The following AFDN variants were observed in gnomAD, a reference collection of about 807,000 sequenced individuals.
AFDN encodes afadin, adherens junction formation factor.
AFDN carries 68 observed loss-of-function variants against 216.6 expected under a neutral mutation model. That is an observed-to-expected ratio of 0.31 (90% confidence interval 0.26 to 0.38). The LOEUF (loss-of-function observed/expected upper bound fraction) is 0.38. AFDN is among the 10% of genes least tolerant of loss of function. AFDN has a pLI of 1.00. For synonymous variants in AFDN, 868 were observed against 853.7 expected (o/e 1.02, Z -0.29); for missense variants, 2,136 against 2,342.0 (o/e 0.91, Z 1.82).
chr6:167,933,219 C>T (rs1793548215), intron 23 of AFDN, among the ~76,000 whole-genome samples: 1 of 152,148 alleles, frequency 6.6e-6, no homozygotes, highest in Non-Finnish European at 1.5e-5. Context: ...GGATATTTTA[C>T]TATTTTATTT....
chr6:167,889,356 C>T (rs531870988), intron 7 of AFDN, 30 bp downstream of exon 7: 1 of 1,448,170 alleles, frequency 6.9e-7, no homozygotes, highest in East Asian at 2.3e-5. Context: ...ATTACTTACA[C>T]CAGATTCCTA....
At chr6:167,913,973 G>C (rs777112417) in intron 16 of AFDN, 195 bp from the exon 17 acceptor site, 68 of 552,876 alleles carry the variant, frequency 1.2e-4, no homozygotes, top group Admixed American at 1.2e-3. Context: ...CTAAGAAATA[G>C]TTGCAGTGGT....
At chr6:167,851,265 CCTTT>C (rs1469761682) in intron 1 of AFDN, among the ~76,000 whole-genome samples, 1 of 152,074 alleles carries the variant, frequency 6.6e-6, no homozygotes, top group African/African-American at 2.4e-5. Flanking sequence ...CAAACACACA[CCTTT>C]CTTTTTTTAA....
At chr6:167,860,460 A>G (rs1398872707) in intron 1 of AFDN, among the ~76,000 whole-genome samples, 1 of 152,228 alleles carries the variant, frequency 6.6e-6, no homozygotes, top group Admixed American at 6.5e-5. Context: ...TCCTTGTCCC[A>G]GAAAAGCTAT....
chr6:167,891,032 G>A lies in AFDN; in HGVS notation c.1177+3G>A. The A allele has an allele frequency of 1.6e-5, 26 of 1,607,268 alleles. No individual in the cohort carries two copies. The highest frequency in any genetic ancestry group is 2.2e-5 in the Non-Finnish European group (26 of 1,177,460). Reference sequence around the variant, plus strand: ...CTATTTAGTAGAGTTAAGCCCAGGTGAGAAAACTGGTCACACCAGCACACA... The same window carrying A: ...CTATTTAGTAGAGTTAAGCCCAGGTAAGAAAACTGGTCACACCAGCACACA... On this transcript the variant is annotated splice_donor_region_variant and intron_variant, in intron 8 of 33. Transcript: ENST00000683244.
intron 15 of AFDN, among the ~76,000 whole-genome samples, chr6:167,912,533 G>A (rs1429291257): frequency 2.6e-5 from 4 of 152,198 alleles, no homozygotes; most frequent in Non-Finnish European, 4.4e-5. Context: ...ACCCAAGTTA[G>A]GAAATAGGTA....
chr6:167,875,525 C>T (rs777371920), intron 5 of AFDN, 30 bp downstream of exon 5: 1 of 1,607,224 alleles, frequency 6.2e-7, no homozygotes, highest in South Asian at 1.1e-5. Context: ...CTCTGTTCTA[C>T]CTGTTACAAA....
chr6:167,938,086 A>G (rs930132270), intron 23 of AFDN, among the ~76,000 whole-genome samples: 4 of 152,208 alleles, frequency 2.6e-5, no homozygotes, highest in Non-Finnish European at 5.9e-5. Flanking sequence ...GAGAACAAAG[A>G]GAATCCAATG....
intron 22 of AFDN, among the ~76,000 whole-genome samples, chr6:167,924,206 C>A (rs1190294764): frequency 6.6e-6 from 1 of 152,130 alleles, no homozygotes; most frequent in East Asian, 1.9e-4. Flanking sequence ...TGTATAATTA[C>A]CACCTCTTGG....
chr6:167,922,511 G>A (rs537254688), intron 21 of AFDN, among the ~76,000 whole-genome samples: 1 of 152,246 alleles, frequency 6.6e-6, no homozygotes, highest in East Asian at 1.9e-4. Context: ...TAGGTATTCT[G>A]AATGTTATTA....
chr6:167,942,194 G>T (rs554967813), intron 23 of AFDN, among the ~76,000 whole-genome samples: 2 of 152,198 alleles, frequency 1.3e-5, no homozygotes, highest in South Asian at 2.1e-4. Context: ...GGACAAATGC[G>T]AGTGGTTTCC....
intron 3 of AFDN, among the ~76,000 whole-genome samples, chr6:167,871,379 A>G (rs534340063): frequency 6.0e-4 from 92 of 152,270 alleles, no homozygotes; most frequent in Middle Eastern, 3.4e-3. Flanking sequence ...TTCATTCTGT[A>G]TATTTTGCTA....
intron 1 of AFDN, among the ~76,000 whole-genome samples, chr6:167,852,414 A>G (rs1782423583): frequency 6.6e-6 from 1 of 152,074 alleles, no homozygotes; most frequent in Non-Finnish European, 1.5e-5. Context: ...GTGGTTTGAC[A>G]TGTTTCTCTA....
At chr6:167,907,747 A>T (rs1789882197) in intron 13 of AFDN, among the ~76,000 whole-genome samples, 1 of 151,884 alleles carries the variant, frequency 6.6e-6, no homozygotes, top group African/African-American at 2.4e-5. Flanking sequence ...CTCTAATGTG[A>T]TGTGTCTCCC....
At chr6:167,926,739 C>G (rs1182182672) in intron 23 of AFDN, among the ~76,000 whole-genome samples, 3 of 152,222 alleles carry the variant, frequency 2.0e-5, no homozygotes, top group African/African-American at 7.2e-5. Flanking sequence ...CAAGGACTTG[C>G]TGGCAGCTCA....
chr6:167,827,280 T>TGCGCC (rs1232354842), intron 1 of AFDN, 43 bp downstream of exon 1: 1 of 848,916 alleles, frequency 1.2e-6, no homozygotes, highest in Non-Finnish European at 1.4e-6. Context: ...CCCCGCCCGC[T>TGCGCC]GCGCCGCGCC....
chr6:167,897,810 T>C (rs933200296), intron 10 of AFDN, among the ~76,000 whole-genome samples: 6 of 152,116 alleles, frequency 3.9e-5, no homozygotes, highest in African/African-American at 1.2e-4. Context: ...CCACGCCTGC[T>C]AATTTTTGTA....
At chr6:167,907,734 G>A (rs2128438071) in intron 13 of AFDN, among the ~76,000 whole-genome samples, 1 of 152,022 alleles carries the variant, frequency 6.6e-6, no homozygotes, top group South Asian at 2.1e-4. Flanking sequence ...ATTATGTCTT[G>A]TGCTCTAATG....
chr6:167,857,219 A>G (rs1783001534), intron 1 of AFDN, among the ~76,000 whole-genome samples: 2 of 141,974 alleles, frequency 1.4e-5, no homozygotes. Context: ...AGAGCGAGAG[A>G]TAGGATGGGG....
Sources: gnomAD v4.1 joint callset for allele counts (sites outside exome capture counted in the v4.1 genomes callset) on GRCh38, gnomAD v4.1.1 for gene constraint, MANE v1.5 for transcripts, NCBI Gene and HGNC (gene_info 2026-07-23, HGNC 2026-07-21) for gene names.